NKAIN3: variants seen among roughly 807,000 people sequenced by gnomAD.
NKAIN3 encodes the protein sodium/potassium transporting ATPase interacting 3.
In NKAIN3, 25 loss-of-function variants were observed where a neutral mutation model predicts 30.2. The ratio of observed to expected loss-of-function variants is 0.83; its 90% CI spans 0.60 to 1.16. NKAIN3 has a LOEUF of 1.16. Ranked by LOEUF, NKAIN3 falls within the 50% of genes most tolerant of loss-of-function variation. NKAIN3 has a pLI of 0.00. For synonymous variants in NKAIN3, 91 were observed against 89.6 expected (o/e 1.02, Z -0.09); for missense variants, 225 against 254.1 (o/e 0.89, Z 0.78).
chr8:62,856,271 GCC>G, intron 4 of NKAIN3: 2 of 919,944 alleles, frequency 2.2e-6, no homozygotes, highest in South Asian at 2.6e-5. Context: ...AGGCTTGAGA[GCC>G]CTCTGGACCA....
chr8:62,994,436 A>G (rs750599416), intron 5 of NKAIN3, among the ~76,000 whole-genome samples: 5 of 152,164 alleles, frequency 3.3e-5, no homozygotes, highest in Non-Finnish European at 5.9e-5. Flanking sequence ...CTCAGGAATG[A>G]TGTAAAAGAA....
intron 1 of NKAIN3, among the ~76,000 whole-genome samples, chr8:62,567,150 A>G (rs1361969698): frequency 6.6e-6 from 1 of 152,090 alleles, no homozygotes; most frequent in Non-Finnish European, 1.5e-5. Flanking sequence ...CTTCCAGTGG[A>G]TTCAGGATGG....
intron 3 of NKAIN3, among the ~76,000 whole-genome samples, chr8:62,680,796 A>G (rs919159798): frequency 1.3e-5 from 2 of 152,172 alleles, no homozygotes; most frequent in African/African-American, 4.8e-5. Flanking sequence ...TTTGAAAAAT[A>G]ATTATCCACT....
chr8:62,834,802 T>A (rs1819308370), intron 4 of NKAIN3, among the ~76,000 whole-genome samples: 1 of 152,112 alleles, frequency 6.6e-6, no homozygotes, highest in Non-Finnish European at 1.5e-5. Context: ...AAATTACCAA[T>A]GTCATTTTTC....
At chr8:62,942,201 CACATATATATACACATATATAT>C (rs377733094) in intron 5 of NKAIN3, among the ~76,000 whole-genome samples, 67,229 of 133,880 alleles carry the variant, frequency 0.5, 17,814 homozygotes, top group South Asian at 0.61. Flanking sequence ...TATATATACA[CACATATATATACACATATATAT>C]ACATATATAT....
intron 4 of NKAIN3, among the ~76,000 whole-genome samples, chr8:62,898,779 C>T (rs981596686): frequency 6.6e-6 from 1 of 151,924 alleles, no homozygotes; most frequent in Non-Finnish European, 1.5e-5. Context: ...AAACAATCAA[C>T]AAGGTGAAGA....
chr8:62,395,688 T>C (rs1357090094), intron 1 of NKAIN3, among the ~76,000 whole-genome samples: 2 of 152,304 alleles, frequency 1.3e-5, no homozygotes, highest in Middle Eastern at 3.4e-3. Context: ...TATCCTGATA[T>C]CTATCTTCAT....
At chr8:62,512,640 A>G (rs1456099380) in intron 1 of NKAIN3, among the ~76,000 whole-genome samples, 4 of 152,168 alleles carry the variant, frequency 2.6e-5, no homozygotes, top group Non-Finnish European at 5.9e-5. Flanking sequence ...TTGGGGAAGG[A>G]GGCACATTGA....
chr8:62,461,592 G>T (rs1489131929), intron 1 of NKAIN3, among the ~76,000 whole-genome samples: 2 of 152,150 alleles, frequency 1.3e-5, no homozygotes, highest in South Asian at 2.1e-4. Context: ...TAAAGTGTAA[G>T]AATGATATCT....
chr8:62,408,870 T>C (rs969433014), intron 1 of NKAIN3, among the ~76,000 whole-genome samples: 1 of 152,328 alleles, frequency 6.6e-6, no homozygotes, highest in Non-Finnish European at 1.5e-5. Context: ...TATCCATTAG[T>C]CACAAATTAG....
At chr8:62,606,104 G>A (rs980532106) in intron 3 of NKAIN3, among the ~76,000 whole-genome samples, 3 of 151,902 alleles carry the variant, frequency 2.0e-5, no homozygotes, top group Non-Finnish European at 4.4e-5. Flanking sequence ...AATGTGCGTC[G>A]ATCCACCATC....
At chr8:62,543,475 C>A (rs1324979659) in intron 1 of NKAIN3, among the ~76,000 whole-genome samples, 1 of 152,148 alleles carries the variant, frequency 6.6e-6, no homozygotes, top group Non-Finnish European at 1.5e-5. Flanking sequence ...TGCTCAATAG[C>A]TTCAATGTGA....
chr8:62,613,155 C>G (rs1247603063), intron 3 of NKAIN3, among the ~76,000 whole-genome samples: 3 of 152,026 alleles, frequency 2.0e-5, no homozygotes, highest in Admixed American at 6.6e-5. Flanking sequence ...CATTAATGTT[C>G]TTTTCTTTCT....
At chr8:62,330,787 G>A (rs1033433275) in intron 1 of NKAIN3, among the ~76,000 whole-genome samples, 1 of 151,628 alleles carries the variant, frequency 6.6e-6, no homozygotes, top group Non-Finnish European at 1.5e-5. Context: ...CTCAATTTTT[G>A]TAATGGTTCC....
Position 62,732,377 on chromosome 8 carries a change from G to A in NKAIN3, c.274-14555G>A, listed in dbSNP as rs1291163685. The stretch of plus-strand genomic sequence containing the variant: ...TCAATGAATGAAGTCTTACCAAAAT[G>A]TAAAAGTTTTTAAATGTGGAATTCT... On this transcript the variant is annotated intron_variant, in intron 3 of 6. Coordinates refer to ENST00000623646, the MANE Select transcript of NKAIN3 (RefSeq NM_001304533.3). Among the ~76,000 whole-genome samples the A allele has an allele frequency of 1.3e-5, 2 of 151,912 alleles. 1 individual carries two copies. Among genetic ancestry groups the A allele is most frequent in the Non-Finnish European group, 2.9e-5 (2 of 67,924 alleles).
At chr8:62,823,367 C>G (rs1024763014) in intron 4 of NKAIN3, among the ~76,000 whole-genome samples, 2 of 152,054 alleles carry the variant, frequency 1.3e-5, no homozygotes, top group Non-Finnish European at 2.9e-5. Flanking sequence ...ACAGTTTTTT[C>G]TTCCTTGATA....
chr8:62,616,184 T>A (rs187026945), intron 3 of NKAIN3, among the ~76,000 whole-genome samples: 1 of 152,094 alleles, frequency 6.6e-6, no homozygotes, highest in East Asian at 1.9e-4. Context: ...CAATACCAAA[T>A]GGAGGTCCAA....
intron 3 of NKAIN3, among the ~76,000 whole-genome samples, chr8:62,685,925 C>T (rs1281981493): frequency 1.3e-5 from 2 of 152,184 alleles, no homozygotes; most frequent in Non-Finnish European, 2.9e-5. Context: ...CATGAACTGA[C>T]TCTATATCTG....
Position 62,746,930 on chromosome 8 carries a change from A to G in NKAIN3, c.274-2A>G, listed in dbSNP as rs757152166. ...TTGCTCTTTTGTCTCCTACCCACCT[A>G]GGACACCGATCTAATGACATTCAAT... On this transcript the variant is annotated splice_acceptor_variant, in intron 3 of 6. Transcript: ENST00000623646. LOFTEE classifies it high-confidence loss of function. 7 of 1,595,448 alleles carry G rather than the reference A, an allele frequency of 4.4e-6. No homozygotes were observed. The South Asian group carries it at 7.8e-5, about 18-fold the overall frequency.
Sources: gnomAD v4.1 joint callset for allele counts (sites outside exome capture counted in the v4.1 genomes callset) on GRCh38, gnomAD v4.1.1 for gene constraint, MANE v1.5 for transcripts, NCBI Gene and HGNC (gene_info 2026-07-23, HGNC 2026-07-21) for gene names.